Variants in ADAMTS9 observed in about 807,000 individuals in gnomAD.
ADAMTS9 encodes A disintegrin and metalloproteinase with thrombospondin motifs 9.
ADAMTS9 carries 107 observed loss-of-function variants against 257.1 expected under a neutral mutation model. The observed-to-expected ratio is 0.42, with a 90% CI of 0.36 to 0.49. ADAMTS9 has a LOEUF of 0.49. ADAMTS9 is among the 20% of genes least tolerant of loss of function. ADAMTS9 has a pLI of 0.03. For missense variants in ADAMTS9, 2,353 were observed against 2,469.1 expected (o/e 0.95, Z 1.00); for synonymous variants, 982 against 880.9 (o/e 1.11, Z -2.03).
chr3:64,661,686 A>G (rs1701226965), intron 3 of ADAMTS9, among the ~76,000 whole-genome samples: 1 of 152,182 alleles, frequency 6.6e-6, no homozygotes, highest in South Asian at 2.1e-4. Flanking sequence ...AGAAAAAGAC[A>G]GTGCCTGGTG....
intron 26 of ADAMTS9, among the ~76,000 whole-genome samples, chr3:64,600,376 C>CA (rs1411431563): frequency 1.3e-5 from 2 of 152,064 alleles, no homozygotes; most frequent in Non-Finnish European, 2.9e-5. Context: ...AATATCCAAA[C>CA]AAAAAACAGG....
intron 28 of ADAMTS9, among the ~76,000 whole-genome samples, chr3:64,575,083 G>A (rs1346287933): frequency 6.6e-6 from 1 of 152,050 alleles, no homozygotes; most frequent in Non-Finnish European, 1.5e-5. Flanking sequence ...CATTTTTCAG[G>A]GTTTATTAAC....
rs1056113240 is a variant in ADAMTS9, at chr3:64,598,551, C to A, written c.4018-1560G>T. The stretch of plus-strand genomic sequence containing the variant: ...CCCCAACTGGTCTCGAACTCTTGGC[C>A]TCAAGCAATCCTCCTGTCTTAGCCT... On this transcript the variant is annotated intron_variant, in intron 26 of 39. Transcript: ENST00000498707. 2.1e-4 allele frequency among the ~76,000 whole-genome samples: 32 copies of A among 152,150 alleles called. No homozygotes were observed. In the Middle Eastern group the frequency reaches 0.01, roughly 49 times the overall value.
chr3:64,631,441 G>C lies in ADAMTS9; in HGVS notation c.2389+14C>G. 6.2e-7 allele frequency: 1 copy of C among 1,604,786 alleles called. No individual in the cohort carries two copies. Among genetic ancestry groups the C allele is most frequent in the African/African-American group, 1.3e-5 (1 of 74,860 alleles). ...AGAACCAGAACTCGCAAGTAGTGAG[G>C]CATCCCATCTCACCTAAGTAGTTGT... On this transcript the variant is annotated intron_variant, in intron 16 of 39. Transcript: ENST00000498707.
At position 64,630,301 on chromosome 3, in the gene ADAMTS9, T is replaced by C. The variant is rs143013845; in HGVS notation, c.2389+1154A>G. ...AGACTGGGCTGGGCATGGTGGCTCA[T>C]GCCTGGAATCTCAGCACTTTGGGAG... is the stretch of plus-strand genomic sequence containing the variant. On this transcript the variant is annotated intron_variant, in intron 16 of 39. Coordinates refer to ENST00000498707, the MANE Select transcript of ADAMTS9 (RefSeq NM_182920.2). 2.9e-3 allele frequency among the ~76,000 whole-genome samples: 444 copies of C among 152,248 alleles called. 2 individuals are homozygous for C. The highest frequency in any genetic ancestry group is 0.01 in the African/African-American group (416 of 41,566).
intron 28 of ADAMTS9, among the ~76,000 whole-genome samples, chr3:64,576,110 C>T (rs2083839180): frequency 6.6e-6 from 1 of 152,130 alleles, no homozygotes; most frequent in Non-Finnish European, 1.5e-5. Context: ...GTGCCCTTTT[C>T]TCTCTTAGAG....
chr3:64,687,424 G>A lies in ADAMTS9; in HGVS notation c.115+119C>T, dbSNP rs1240285742. The A allele has an allele frequency of 6.0e-6, 5 of 834,982 alleles. No homozygotes were observed. Among genetic ancestry groups the A allele is most frequent in the Admixed American group, 3.2e-5 (1 of 31,388 alleles). 51.7% of individuals were successfully genotyped at this position (834,982 alleles called of 1,614,324 possible). ...AAAGAAGGGAGAGGCTGCAAAGCGG[G>A]AGATAATTCTTTCTAGGAAAAGGAG... On this transcript the variant is annotated intron_variant, in intron 1 of 39. Transcript: ENST00000498707. This position sits in a 1 kb window ranked among gnomAD's most constrained non-coding sequence, Gnocchi z 4.4.
intron 11 of ADAMTS9, 136 bp downstream of exon 11, chr3:64,647,804 C>A: frequency 1.6e-6 from 1 of 632,670 alleles, no homozygotes; most frequent in East Asian, 3.1e-5. Context: ...TTCTAAACAT[C>A]TGTCCTCTAA....
At chr3:64,568,677 C>G (rs997601740) in intron 28 of ADAMTS9, 142 bp from the exon 29 acceptor site, 3 of 960,642 alleles carry the variant, frequency 3.1e-6, no homozygotes, top group Non-Finnish European at 4.7e-6. Flanking sequence ...TGGATAATAT[C>G]TCAAGGCTTA....
intron 4 of ADAMTS9, 82 bp from the exon 5 acceptor site, chr3:64,655,957 CCT>C: frequency 1.2e-6 from 1 of 827,226 alleles, no homozygotes. Context: ...TTGGGCTCCA[CCT>C]CTTTTTTACG....
chr3:64,541,694 C>T (rs1332991830), intron 33 of ADAMTS9, 74 bp from the exon 34 acceptor site: 10 of 1,550,188 alleles, frequency 6.5e-6, no homozygotes, highest in Non-Finnish European at 8.9e-6. Context: ...GAATGAATGA[C>T]ATTGTTCGCA....
chr3:64,576,501 A>C (rs2083851550), intron 28 of ADAMTS9, among the ~76,000 whole-genome samples: 1 of 152,204 alleles, frequency 6.6e-6, no homozygotes, highest in Non-Finnish European at 1.5e-5. Context: ...CAAAATATTG[A>C]GGAAAAATGG....
intron 30 of ADAMTS9, among the ~76,000 whole-genome samples, chr3:64,557,534 T>C (rs564296192): frequency 2.0e-5 from 3 of 152,158 alleles, no homozygotes; most frequent in Non-Finnish European, 4.4e-5. Flanking sequence ...TGGCGGGTGA[T>C]ATTAGAAGCC....
In ADAMTS9 at chr3:64,686,064, A is replaced by C. The variant is rs2107067607; in HGVS notation, c.516+504T>G. Among the ~76,000 whole-genome samples the C allele has an allele frequency of 6.6e-6, 1 of 152,302 alleles. No individual in the cohort carries two copies. The highest frequency in any genetic ancestry group is 1.5e-5 in the Non-Finnish European group (1 of 68,020). ...GCGCGTGAATAAAGGCCCTGAGAGA[A>C]AGCGGGGACTCTAGATTACGCACCG... On this transcript the variant is annotated intron_variant, in intron 2 of 39. Coordinates refer to ENST00000498707, the MANE Select transcript of ADAMTS9 (RefSeq NM_182920.2). This position sits in a 1 kb window ranked among gnomAD's most constrained non-coding sequence, Gnocchi z 4.6.
intron 27 of ADAMTS9, among the ~76,000 whole-genome samples, chr3:64,594,754 TC>T (rs1251062379): frequency 6.6e-6 from 1 of 152,176 alleles, no homozygotes; most frequent in Non-Finnish European, 1.5e-5. Flanking sequence ...GTTAATTAAC[TC>T]GATCAAGTCC....
At chr3:64,603,894 C>A in intron 25 of ADAMTS9, 28 bp downstream of exon 25, 1 of 1,612,152 alleles carries the variant, frequency 6.2e-7, no homozygotes, top group Non-Finnish European at 8.5e-7. Flanking sequence ...CCCCATTCCC[C>A]CTAATTCCAA....
Position 64,633,823 on chromosome 3 carries a change from T to C in ADAMTS9, c.1913A>G (p.Asn638Ser), listed in dbSNP as rs1479250589. 1.2e-6 allele frequency: 2 copies of C among 1,613,330 alleles called. No homozygotes were observed. The highest frequency in any genetic ancestry group is 1.3e-5 in the African/African-American group (1 of 74,738). The part of the protein sequence containing the change: ...VGRRMKFKSC[N>S]TEPCLKQKRD... The stretch of plus-strand genomic sequence containing the variant: ...CTTCTGCTTGAGACATGGCTCCGTG[T>C]TGCAGGACTTAAATTTCATTCTACG... The change falls in exon 13 of 40, where the codon AAC becomes AGC. Residue 638 changes from asparagine to serine, a missense_variant. By Grantham distance (46) the Asn-to-Ser change is conservative. Around this residue, in one of 3 missense-constraint regions of ADAMTS9, gnomAD observed 360 missense variants for 458.1 expected, o/e 0.79. Transcript: ENST00000498707.
intron 26 of ADAMTS9, among the ~76,000 whole-genome samples, chr3:64,600,673 C>G (rs914164099): frequency 6.6e-6 from 1 of 152,150 alleles, no homozygotes; most frequent in African/African-American, 2.4e-5. Context: ...GAAATCTCTT[C>G]TAATCTAGGC....
chr3:64,615,749 T>TTCCAAATTTCCACAC (rs2084750298), intron 20 of ADAMTS9, among the ~76,000 whole-genome samples: 1 of 152,188 alleles, frequency 6.6e-6, no homozygotes, highest in African/African-American at 2.4e-5. Flanking sequence ...TTGTTCCACT[T>TTCCAAATTTCCACAC]CTTCCAAATT....
Sources: gnomAD v4.1 joint callset for allele counts (sites outside exome capture counted in the v4.1 genomes callset) on GRCh38, gnomAD v4.1.1 for gene constraint, gnomAD v4.1.1 regional missense constraint, Gnocchi (gnomAD v3.1) non-coding constraint, MANE v1.5 for transcripts, NCBI Gene and HGNC (gene_info 2026-07-23, HGNC 2026-07-21) for gene names.